The following TNR variants were observed in gnomAD, a reference collection of about 807,000 sequenced individuals.
TNR encodes tenascin-R.
In TNR, 45 loss-of-function variants were observed where a neutral mutation model predicts 150.4. The observed-to-expected ratio is 0.30, with a 90% CI of 0.24 to 0.38. The LOEUF (loss-of-function observed/expected upper bound fraction) is 0.38, where lower values mean the gene tolerates loss of function less well. TNR is among the 10% of genes least tolerant of loss of function. The pLI is 1.00. For synonymous variants in TNR, 687 were observed against 678.4 expected, an observed-to-expected ratio of 1.01 and a Z score of -0.20; for missense variants, 1,544 against 1,759.1, an observed-to-expected ratio of 0.88 and a Z score of 2.19.
At chr1:175,661,475 C>CGGGGCAAT (rs556793561) in intron 1 of TNR, among the ~76,000 whole-genome samples, 1 of 152,028 alleles carries the variant, frequency 6.6e-6, no homozygotes, top group Non-Finnish European at 1.5e-5. Context: ...AAGACTTGGC[C>CGGGGCAAT]GGGGCAATGG....
intron 1 of TNR, among the ~76,000 whole-genome samples, chr1:175,736,984 G>A (rs1007296267): frequency 8.5e-5 from 13 of 152,136 alleles, no homozygotes; most frequent in Non-Finnish European, 1.6e-4. Flanking sequence ...TCACACCACT[G>A]CACTCCAGCC....
At chr1:175,533,603 G>A (rs952069923) in intron 1 of TNR, among the ~76,000 whole-genome samples, 3 of 152,310 alleles carry the variant, frequency 2.0e-5, no homozygotes, top group Admixed American at 2.0e-4. Context: ...TTAATTAGCA[G>A]TTAATTAAGT....
intron 1 of TNR, among the ~76,000 whole-genome samples, chr1:175,528,900 C>A (rs1266366975): frequency 6.6e-6 from 1 of 152,212 alleles, no homozygotes; most frequent in Non-Finnish European, 1.5e-5. Flanking sequence ...TCAACTTTCT[C>A]ACTGCTTTAG....
chr1:175,427,197 A>ACCCACCAAGACATAACC (rs1655030118), intron 2 of TNR, among the ~76,000 whole-genome samples: 4 of 151,728 alleles, frequency 2.6e-5, no homozygotes, highest in African/African-American at 9.7e-5. Flanking sequence ...AAGACATAAC[A>ACCCACCAAGACATAACC]ACCCACAGCT....
rs764055790 is a variant in TNR, at chr1:175,396,545, G to A, written c.1239C>T (p.Thr413=). The change falls in exon 5 of 23, where the codon ACC becomes ACT. Residue 413 remains threonine (T), a splice_region_variant and synonymous_variant. Coordinates refer to ENST00000367674, the MANE Select transcript of TNR (RefSeq NM_003285.3). ...GCAGGACGGGGAAATGGTACGTACGGGTGGCCACCTTGGCAGTGATGGGAA... is the reference window on the plus strand; with the variant it reads ...GCAGGACGGGGAAATGGTACGTACGAGTGGCCACCTTGGCAGTGATGGGAA... ...LSLPITAKVA[T]HLSTPQGLQF... is the part of the protein sequence containing the mutation. The A allele has an allele frequency of 1.5e-5, 25 of 1,613,376 alleles. No individual in the cohort carries two copies. Among genetic ancestry groups the A allele is most frequent in the African/African-American group, 1.1e-4 (8 of 74,896 alleles).
chr1:175,342,920 AT>A (rs748549570), intron 18 of TNR, among the ~76,000 whole-genome samples: 8 of 150,512 alleles, frequency 5.3e-5, no homozygotes, highest in Middle Eastern at 3.4e-3. Context: ...AGAAGACCCA[AT>A]TTCATGGCAG....
At chr1:175,385,666 C>A (rs1652880888) in intron 8 of TNR, among the ~76,000 whole-genome samples, 1 of 152,172 alleles carries the variant, frequency 6.6e-6, no homozygotes, top group South Asian at 2.1e-4. Flanking sequence ...GAAAGAGACA[C>A]CTTTCCTGAA....
At chr1:175,612,500 C>T (rs1161109579) in intron 1 of TNR, among the ~76,000 whole-genome samples, 1 of 152,166 alleles carries the variant, frequency 6.6e-6, no homozygotes, top group Non-Finnish European at 1.5e-5. Context: ...ATGGGTCAGG[C>T]CTCCACTCTG....
Position 175,720,230 on chromosome 1 carries a change from G to T in TNR, c.-165+22996C>A, listed in dbSNP as rs1276314012. On this transcript the variant is annotated intron_variant, in intron 1 of 22. Coordinates refer to ENST00000367674, the MANE Select transcript of TNR (RefSeq NM_003285.3). ...ATCAGCATCCTTATAAGAAGCAGGA[G>T]AGACCAGAGCTCACTTGCTCTCTTG... is the stretch of plus-strand genomic sequence containing the variant. Among the ~76,000 whole-genome samples the T allele has an allele frequency of 2.6e-5, 4 of 152,312 alleles. No homozygotes were observed. The South Asian group carries it at 8.3e-4, about 32-fold the overall frequency.
intron 1 of TNR, among the ~76,000 whole-genome samples, chr1:175,606,305 T>C (rs1381821463): frequency 6.6e-6 from 1 of 152,110 alleles, no homozygotes; most frequent in South Asian, 2.1e-4. Flanking sequence ...GGCTGGGACT[T>C]ACAAGGACAG....
At chr1:175,325,766 G>A in intron 21 of TNR, among the ~76,000 whole-genome samples, 1 of 151,990 alleles carries the variant, frequency 6.6e-6, no homozygotes, top group Non-Finnish European at 1.5e-5. Flanking sequence ...ACTATCTCAA[G>A]GACAGAAAAC....
intron 1 of TNR, among the ~76,000 whole-genome samples, chr1:175,651,864 C>A (rs1265117717): frequency 6.6e-6 from 1 of 151,338 alleles, no homozygotes; most frequent in African/African-American, 2.4e-5. Flanking sequence ...GAAATCGTAA[C>A]CAAATAAGAG....
At chr1:175,353,009 GC>G (rs145735426) in intron 18 of TNR, among the ~76,000 whole-genome samples, 2,642 of 152,240 alleles carry the variant, frequency 0.017, 88 homozygotes, top group African/African-American at 0.061. Context: ...GACATGGCAG[GC>G]AGGATGTGGC....
At chr1:175,710,922 C>T (rs1000350443) in intron 1 of TNR, among the ~76,000 whole-genome samples, 9 of 152,126 alleles carry the variant, frequency 5.9e-5, no homozygotes, top group African/African-American at 1.9e-4. Context: ...CTGACACAGG[C>T]GTGCCTTTGC....
intron 18 of TNR, among the ~76,000 whole-genome samples, chr1:175,342,262 A>G (rs1489517564): frequency 3.3e-5 from 5 of 152,202 alleles, no homozygotes; most frequent in African/African-American, 9.7e-5. Flanking sequence ...GCTGGCAAGG[A>G]CAGGGTGAGA....
intron 2 of TNR, among the ~76,000 whole-genome samples, chr1:175,431,458 A>C (rs1419166285): frequency 3.3e-5 from 5 of 152,068 alleles, no homozygotes; most frequent in African/African-American, 4.8e-5. Flanking sequence ...TTAAATTCTC[A>C]CTAAGGTGAT....
chr1:175,550,730 A>T (rs1660905903), intron 1 of TNR, among the ~76,000 whole-genome samples: 1 of 152,166 alleles, frequency 6.6e-6, no homozygotes, highest in African/African-American at 2.4e-5. Flanking sequence ...GTATAGAAAA[A>T]AATCAAAACA....
At chr1:175,717,533 T>C (rs1363780459) in intron 1 of TNR, among the ~76,000 whole-genome samples, 2 of 152,220 alleles carry the variant, frequency 1.3e-5, no homozygotes, top group African/African-American at 4.8e-5. Flanking sequence ...ACAAATTAAG[T>C]GCTTAATAAG....
intron 4 of TNR, among the ~76,000 whole-genome samples, chr1:175,400,753 G>C (rs993481126): frequency 2.0e-5 from 3 of 152,086 alleles, no homozygotes; most frequent in Non-Finnish European, 4.4e-5. Flanking sequence ...CAGTCCCATG[G>C]GCAATGGGAA....
Sources: gnomAD v4.1 joint callset for allele counts (sites outside exome capture counted in the v4.1 genomes callset) on GRCh38, gnomAD v4.1.1 for gene constraint, MANE v1.5 for transcripts, NCBI Gene and HGNC (gene_info 2026-07-23, HGNC 2026-07-21) for gene names.